FAM227B: variants seen among roughly 807,000 people sequenced by gnomAD.
FAM227B encodes family with sequence similarity 227 member B.
Under a neutral mutation model 73.8 loss-of-function variants are expected in FAM227B, and 88 were observed. The ratio of observed to expected loss-of-function variants is 1.19; its 90% confidence interval spans 1.00 to 1.42. The LOEUF (loss-of-function observed/expected upper bound fraction) is 1.42, where lower values mean the gene tolerates loss of function less well. Ranked by LOEUF, FAM227B falls within the 40% of genes most tolerant of loss-of-function variation. The probability of loss-of-function intolerance (pLI) is 0.00; values close to 1 mark genes in which losing one functional copy is unlikely to be tolerated. For missense variants in FAM227B, 632 were observed against 590.9 expected, an observed-to-expected ratio of 1.07 and a Z score of -0.72; for synonymous variants, 210 against 190.5, an observed-to-expected ratio of 1.10 and a Z score of -0.84.
chr15:49,530,224 AGATTCACACAGAAT>A (rs1486558824), intron 10 of FAM227B, among the ~76,000 whole-genome samples: 3 of 151,920 alleles, frequency 2.0e-5, no homozygotes, highest in African/African-American at 7.2e-5. Context: ...ATTATCCAGG[AGATTCACACAGAAT>A]GGTTTTGAAA....
At chr15:49,431,022 C>T (rs967587843) in intron 11 of FAM227B, among the ~76,000 whole-genome samples, 2 of 151,746 alleles carry the variant, frequency 1.3e-5, no homozygotes, top group Non-Finnish European at 2.9e-5. Context: ...CTTTGTATCA[C>T]ACAATTTTTG....
rs147133019 is a variant in FAM227B, at chr15:49,496,931, T to TCACACACA, written c.1012+11272_1012+11279dup. 9.7e-3 allele frequency among the ~76,000 whole-genome samples: 1,372 copies of TCACACACA among 142,108 alleles called. 22 individuals carry two copies. Among genetic ancestry groups the TCACACACA allele is most frequent in the African/African-American group, 0.033 (1,307 of 39,412 alleles). The allele number at this position is 142,108 out of a possible 152,430, so 93.2% of individuals were successfully genotyped here. On this transcript the variant is annotated intron_variant, in intron 11 of 15. Coordinates refer to ENST00000299338, the MANE Select transcript of FAM227B (RefSeq NM_152647.3). ...GAATAAGGTTTTAGTATACACAAAG[T>TCACACACA]CACACACACACACACACACACACAC...
At chr15:49,577,542 G>C (rs2075532750) in intron 6 of FAM227B, 87 bp downstream of exon 6, 1 of 768,012 alleles carries the variant, frequency 1.3e-6, no homozygotes, top group East Asian at 2.7e-5. Flanking sequence ...TCTATATTTA[G>C]AGCCTTGTTT....
At chr15:49,501,159 A>G (rs2058099106) in intron 11 of FAM227B, among the ~76,000 whole-genome samples, 1 of 152,212 alleles carries the variant, frequency 6.6e-6, no homozygotes, top group Non-Finnish European at 1.5e-5. Flanking sequence ...TGCTATAAAG[A>G]TACCTGAAAA....
At chr15:49,585,435 A>G (rs1045918065) in intron 5 of FAM227B, among the ~76,000 whole-genome samples, 15 of 152,220 alleles carry the variant, frequency 9.9e-5, no homozygotes, top group Non-Finnish European at 1.9e-4. Flanking sequence ...AAGACTTGGA[A>G]CCAAGCCAAA....
intron 1 of FAM227B, among the ~76,000 whole-genome samples, chr15:49,618,808 T>C (rs1031470383): frequency 6.6e-6 from 1 of 152,218 alleles, no homozygotes; most frequent in African/African-American, 2.4e-5. Flanking sequence ...TTTAAAAGAC[T>C]TGAATTTTCC....
intron 11 of FAM227B, among the ~76,000 whole-genome samples, chr15:49,439,927 C>T (rs940133430): frequency 6.6e-6 from 1 of 151,644 alleles, no homozygotes; most frequent in African/African-American, 2.4e-5. Context: ...TGCAGATAGC[C>T]CTCAGGGAAA....
At chr15:49,546,605 T>C (rs985874129) in intron 9 of FAM227B, among the ~76,000 whole-genome samples, 5 of 152,192 alleles carry the variant, frequency 3.3e-5, no homozygotes, top group African/African-American at 1.2e-4. Context: ...TTTCTCCACA[T>C]CTTCTCCAGC....
chr15:49,508,437 C>T (rs1425962004), intron 10 of FAM227B, 89 bp from the exon 11 acceptor site: 4 of 1,191,700 alleles, frequency 3.4e-6, no homozygotes, highest in Non-Finnish European at 4.6e-6. Flanking sequence ...GATAATTATA[C>T]ATTTCATCCT....
rs750542977 is a variant in FAM227B at position 49,483,137 on chromosome 15, G to A, written c.1012+25074C>T. The A allele has an allele frequency of 1.3e-5, 18 of 1,394,418 alleles. No individual in the cohort carries two copies. In the South Asian group the frequency reaches 1.7e-4, roughly 13 times the overall value. 86.4% of individuals were successfully genotyped at this position (1,394,418 alleles called of 1,614,324 possible). On this transcript the variant is annotated intron_variant, in intron 11 of 15. Coordinates refer to ENST00000299338, the MANE Select transcript of FAM227B (RefSeq NM_152647.3). ...GAACGAATATTTGACATGTCTTTCT[G>A]TGATTCCTTGCAGATATCATGGAAA...
intron 3 of FAM227B, among the ~76,000 whole-genome samples, chr15:49,610,750 C>G (rs1247018366): frequency 6.6e-6 from 1 of 152,030 alleles, no homozygotes; most frequent in African/African-American, 2.4e-5. Flanking sequence ...TAACCCCAGG[C>G]GAAGTCAGTA....
At chr15:49,329,634 TGCTTGAGAAA>T (rs1344296989) in intron 15 of FAM227B, 172 of 985,004 alleles carry the variant, frequency 1.7e-4, no homozygotes, top group Non-Finnish European at 2.0e-4. Context: ...GAAAGGTAAA[TGCTTGAGAAA>T]GCTTGAGTCA....
At chr15:49,425,737 C>A (rs1451701937) in intron 11 of FAM227B, among the ~76,000 whole-genome samples, 1 of 151,648 alleles carries the variant, frequency 6.6e-6, no homozygotes, top group African/African-American at 2.4e-5. Flanking sequence ...AATGAGAAGA[C>A]CTTCTTTTTA....
At chr15:49,470,119 GTAT>G (rs1256776736) in intron 11 of FAM227B, among the ~76,000 whole-genome samples, 1 of 152,000 alleles carries the variant, frequency 6.6e-6, no homozygotes, top group African/African-American at 2.4e-5. Context: ...GAAGACCACG[GTAT>G]TATGATCAAA....
intron 8 of FAM227B, among the ~76,000 whole-genome samples, chr15:49,573,737 C>T (rs1410121674): frequency 6.6e-6 from 1 of 152,254 alleles, no homozygotes; most frequent in Non-Finnish European, 1.5e-5. Context: ...TATTGTAGCA[C>T]AAAACCAACT....
intron 10 of FAM227B, among the ~76,000 whole-genome samples, chr15:49,514,553 T>C (rs2059254351): frequency 6.6e-6 from 1 of 152,172 alleles, no homozygotes; most frequent in Non-Finnish European, 1.5e-5. Context: ...CAGATACGAC[T>C]TCCTCTCTTC....
intron 9 of FAM227B, among the ~76,000 whole-genome samples, chr15:49,548,261 G>C (rs1238926973): frequency 1.3e-5 from 2 of 151,848 alleles, no homozygotes; most frequent in Non-Finnish European, 2.9e-5. Flanking sequence ...CTTTTTTTCA[G>C]CATCAGTTGA....
At chr15:49,595,061 G>C (rs1358715028) in intron 3 of FAM227B, among the ~76,000 whole-genome samples, 1 of 152,030 alleles carries the variant, frequency 6.6e-6, no homozygotes, top group African/African-American at 2.4e-5. Context: ...ATGAATATGA[G>C]ATGTGTTTCC....
chr15:49,525,730 G>C (rs1275703788), intron 10 of FAM227B, among the ~76,000 whole-genome samples: 2 of 98,794 alleles, frequency 2.0e-5, no homozygotes, highest in African/African-American at 8.2e-5. Flanking sequence ...CACAAACAGA[G>C]CACAAAAATG....
Sources: gnomAD v4.1 joint callset for allele counts (sites outside exome capture counted in the v4.1 genomes callset) on GRCh38, gnomAD v4.1.1 for gene constraint, MANE v1.5 for transcripts, NCBI Gene and HGNC (gene_info 2026-07-23, HGNC 2026-07-21) for gene names.